The following INPP5B variants were observed in gnomAD, a reference collection of about 807,000 sequenced individuals.
The protein encoded by INPP5B is inositol polyphosphate-5-phosphatase B.
In INPP5B, 90 loss-of-function variants were observed where a neutral mutation model predicts 118.5. That is an observed-to-expected ratio of 0.76 (90% CI 0.64 to 0.90). INPP5B has a LOEUF of 0.90. Among genes scored for constraint, INPP5B ranks in the 40% least tolerant of loss-of-function variants. The probability of loss-of-function intolerance (pLI) is 0.00; values close to 1 mark genes in which losing one functional copy is unlikely to be tolerated. For missense variants in INPP5B, 984 were observed against 1,125.6 expected (o/e 0.87, Z 1.80); for synonymous variants, 385 against 418.9 (o/e 0.92, Z 0.99).
chr1:37,886,075 G>A (rs894973647), intron 12 of INPP5B, among the ~76,000 whole-genome samples: 2 of 152,130 alleles, frequency 1.3e-5, no homozygotes, highest in South Asian at 2.1e-4. Context: ...CTACTCGGGA[G>A]GCTGAGGCAG....
At chr1:37,868,779 G>A (rs1642212104) in intron 19 of INPP5B, among the ~76,000 whole-genome samples, 165 bp from the exon 20 acceptor site, 2 of 152,126 alleles carry the variant, frequency 1.3e-5, no homozygotes, top group Non-Finnish European at 1.5e-5. Flanking sequence ...AGGAACAAAA[G>A]GTAATTTTTG....
chr1:37,899,141 A>G (rs1344857878), intron 7 of INPP5B, among the ~76,000 whole-genome samples: 1 of 144,300 alleles, frequency 6.9e-6, no homozygotes, highest in Non-Finnish European at 1.5e-5. Flanking sequence ...AGATCGCGCC[A>G]TTGCACTCCA....
chr1:37,875,824 G>T, intron 16 of INPP5B, 108 bp from the exon 17 acceptor site: 1 of 706,910 alleles, frequency 1.4e-6, no homozygotes, highest in East Asian at 2.7e-5. Context: ...TAGCAACACA[G>T]AAAACAAAGG....
At chr1:37,928,220 CTG>C (rs1645314152) in intron 7 of INPP5B, among the ~76,000 whole-genome samples, 1 of 152,118 alleles carries the variant, frequency 6.6e-6, no homozygotes, top group African/African-American at 2.4e-5. Flanking sequence ...GTCACCCAGA[CTG>C]GAGTGCAATG....
intron 7 of INPP5B, among the ~76,000 whole-genome samples, chr1:37,910,094 T>C (rs896799962): frequency 6.6e-5 from 10 of 152,224 alleles, no homozygotes; most frequent in Non-Finnish European, 1.3e-4. Flanking sequence ...GACTGACTCC[T>C]TCCCAGATCG....
intron 7 of INPP5B, chr1:37,931,279 C>T: frequency 4.3e-6 from 2 of 467,594 alleles, no homozygotes; most frequent in South Asian, 2.0e-5. Context: ...CAAAGGAAGA[C>T]TCTATCGTAG....
chr1:37,880,970 G>A (rs1570059843), intron 14 of INPP5B, among the ~76,000 whole-genome samples: 2 of 152,146 alleles, frequency 1.3e-5, no homozygotes, highest in Non-Finnish European at 2.9e-5. Context: ...TGATCCTGCC[G>A]CCTTGGTCTC....
At chr1:37,872,693 A>T (rs1376722407) in intron 19 of INPP5B, among the ~76,000 whole-genome samples, 1 of 151,116 alleles carries the variant, frequency 6.6e-6, no homozygotes, top group African/African-American at 2.4e-5. Context: ...GCTAGGTGAG[A>T]CAAGCAGAAG....
In INPP5B at chr1:37,864,330, A is replaced by C; in HGVS notation, c.2608T>G (p.Leu870Val). 1 of 1,604,034 alleles carries C rather than the reference A, an allele frequency of 6.2e-7. No homozygotes were observed. Among genetic ancestry groups the C allele is most frequent in the East Asian group, 2.2e-5 (1 of 44,790 alleles). The change falls in exon 23 of 24, where the codon TTG becomes GTG. Residue 870 changes from leucine (L) to valine (V), a missense_variant. By Grantham distance (32) the Leu-to-Val change is conservative. Around this residue, in one of 2 missense-constraint regions of INPP5B, gnomAD observed 634 missense variants for 791.0 expected, o/e 0.80. Transcript: ENST00000373024. ...ELLKNSAKNH[L>V]DENILASIFG... ...TGCTTACCTAGAATATTCTCATCCA[A>C]ATGATTTTTTGCTGAATTTTTCAGC... is the stretch of plus-strand genomic sequence containing the variant.
chr1:37,926,978 GA>G (rs1209635197), intron 7 of INPP5B, among the ~76,000 whole-genome samples: 2 of 152,042 alleles, frequency 1.3e-5, no homozygotes, highest in Non-Finnish European at 2.9e-5. Flanking sequence ...GAAAAAAAAA[GA>G]AAAGAAAAAA....
chr1:37,914,279 C>A (rs1008676171), intron 7 of INPP5B, among the ~76,000 whole-genome samples: 4 of 152,140 alleles, frequency 2.6e-5, no homozygotes, highest in Non-Finnish European at 4.4e-5. Flanking sequence ...TTCTTTATTA[C>A]TTTACTTTCT....
intron 7 of INPP5B, among the ~76,000 whole-genome samples, chr1:37,922,673 G>A (rs1369934929): frequency 6.6e-6 from 1 of 152,184 alleles, no homozygotes; most frequent in Non-Finnish European, 1.5e-5. Flanking sequence ...TCCAGCCTGG[G>A]TGACACAGCG....
chr1:37,899,333 G>T (rs1366644708), intron 7 of INPP5B, among the ~76,000 whole-genome samples: 1 of 152,004 alleles, frequency 6.6e-6, no homozygotes, highest in Non-Finnish European at 1.5e-5. Flanking sequence ...GGAGGCCGAG[G>T]TGGGCAAATC....
intron 7 of INPP5B, among the ~76,000 whole-genome samples, chr1:37,896,358 A>C (rs1570160419): frequency 7.0e-6 from 1 of 143,848 alleles, no homozygotes; most frequent in African/African-American, 2.6e-5. Context: ...TCCGCCCGGC[A>C]GCCGCCCCGT....
At chr1:37,903,000 G>GAA (rs1431455869) in intron 7 of INPP5B, among the ~76,000 whole-genome samples, 3 of 151,276 alleles carry the variant, frequency 2.0e-5, no homozygotes, top group African/African-American at 7.3e-5. Context: ...AAAAAGAAAA[G>GAA]AAAAGAAAAC....
intron 21 of INPP5B, 55 bp downstream of exon 21, chr1:37,866,404 T>TCACACACACACACACACACA (rs1491111834): frequency 3.7e-4 from 135 of 367,204 alleles, no homozygotes; most frequent in South Asian, 9.2e-4. Flanking sequence ...TCTCTCTCTC[T>TCACACACACACACACACACA]CTCACACACA....
rs1250313560 is a variant in INPP5B, at chr1:37,863,816, CT to C, written c.2626+495del. Reference sequence around the variant, plus strand: ...AGATGTTATATGGTACATGACTATACTTTTTTTTTTTTTTTTGAGATGGAGT... The same window carrying C: ...AGATGTTATATGGTACATGACTATACTTTTTTTTTTTTTTTGAGATGGAGT... On this transcript the variant is annotated intron_variant, in intron 23 of 23. Transcript: ENST00000373024. Among the ~76,000 whole-genome samples the C allele has an allele frequency of 2.2e-3, 303 of 137,764 alleles. 2 individuals carry two copies. The highest frequency in any genetic ancestry group is 7.4e-3 in the Middle Eastern group (2 of 272). The allele number at this position is 137,764 out of a possible 152,430, so 90.4% of individuals were successfully genotyped here. A position where few individuals can be genotyped will look rare whatever the true frequency, so the allele number is the denominator to read the frequency against.
rs112917259 is a variant in INPP5B, at chr1:37,918,218, T to A, written c.532+13695A>T. Reference sequence around the variant, plus strand: ...ACTAAGAGATCTTCCCACTTCTCCCTACCCATTTAGCCTCTGCACTTGGCC... The same window carrying A: ...ACTAAGAGATCTTCCCACTTCTCCCAACCCATTTAGCCTCTGCACTTGGCC... On this transcript the variant is annotated intron_variant, in intron 7 of 23. Transcript: ENST00000373024. Among the ~76,000 whole-genome samples the A allele has an allele frequency of 7.2e-5, 11 of 152,278 alleles. No homozygotes were observed. The South Asian group carries it at 2.3e-3, about 32-fold the overall frequency.
In INPP5B at chr1:37,945,773, G is replaced by A. The variant is rs871524; in HGVS notation, c.135C>T (p.His45=). The change falls in exon 3 of 24, where the codon CAC becomes CAT. Residue 45 remains histidine, a synonymous_variant. Transcript: ENST00000373024. ...LLGLVRYRLE[H]GGQEHALFLY... is the part of the protein sequence containing the mutation. ...TCACTCACGCGTGTTCCTGGCCGCCGTGCTCCAGGCGGTAGCGCACGAGTC... is the reference window on the plus strand; with the variant it reads ...TCACTCACGCGTGTTCCTGGCCGCCATGCTCCAGGCGGTAGCGCACGAGTC... The A allele has an allele frequency of 0.31, 496,508 of 1,613,192 alleles. 80,824 individuals carry two copies. The highest frequency in any genetic ancestry group is 0.33 in the Non-Finnish European group (387,622 of 1,179,328).
Sources: gnomAD v4.1 joint callset for allele counts (sites outside exome capture counted in the v4.1 genomes callset) on GRCh38, gnomAD v4.1.1 for gene constraint, gnomAD v4.1.1 regional missense constraint, MANE v1.5 for transcripts, NCBI Gene and HGNC (gene_info 2026-07-23, HGNC 2026-07-21) for gene names.